The following FAM227B variants were observed in gnomAD, a reference collection of about 807,000 sequenced individuals.
The protein encoded by FAM227B is family with sequence similarity 227 member B.
In FAM227B, 88 loss-of-function variants were observed where a neutral mutation model predicts 73.8. That is an observed-to-expected ratio of 1.19 (90% CI 1.00 to 1.42). FAM227B has a LOEUF of 1.42. Ranked by LOEUF, FAM227B falls within the 40% of genes most tolerant of loss-of-function variation. FAM227B has a pLI of 0.00. For missense variants in FAM227B, 632 were observed against 590.9 expected (o/e 1.07, Z -0.72); for synonymous variants, 210 against 190.5 (o/e 1.10, Z -0.84).
At chr15:49,458,390 G>A (rs538496281) in intron 11 of FAM227B, among the ~76,000 whole-genome samples, 39 of 152,072 alleles carry the variant, frequency 2.6e-4, no homozygotes, top group East Asian at 1.2e-3. Context: ...AAACATGCAC[G>A]TCCAGCATAG....
At chr15:49,514,556 C>G (rs2059254577) in intron 10 of FAM227B, among the ~76,000 whole-genome samples, 1 of 151,992 alleles carries the variant, frequency 6.6e-6, no homozygotes, top group African/African-American at 2.4e-5. Context: ...ATACGACTTC[C>G]TCTCTTCCTA....
At chr15:49,413,738 A>C (rs2049025447) in intron 11 of FAM227B, among the ~76,000 whole-genome samples, 1 of 151,900 alleles carries the variant, frequency 6.6e-6, no homozygotes, top group African/African-American at 2.4e-5. Flanking sequence ...CCTTATGTAC[A>C]TTGGTCTCGT....
intron 10 of FAM227B, among the ~76,000 whole-genome samples, chr15:49,520,177 C>T (rs572814937): frequency 1.3e-5 from 2 of 152,270 alleles, no homozygotes; most frequent in South Asian, 4.2e-4. Flanking sequence ...TTCCTCATCT[C>T]CGTCTGACAC....
intron 13 of FAM227B, among the ~76,000 whole-genome samples, chr15:49,353,190 T>C (rs1027083207): frequency 6.6e-6 from 1 of 152,202 alleles, no homozygotes; most frequent in Admixed American, 6.5e-5. Flanking sequence ...TTGAAATTTA[T>C]TTAGTCCAAT....
At chr15:49,566,570 C>T (rs2074676323) in intron 9 of FAM227B, among the ~76,000 whole-genome samples, 1 of 152,118 alleles carries the variant, frequency 6.6e-6, no homozygotes, top group Non-Finnish European at 1.5e-5. Context: ...AATATTAATA[C>T]ATTTATCTTC....
chr15:49,329,069 C>T (rs2038082860), intron 15 of FAM227B: 1 of 996,108 alleles, frequency 1.0e-6, no homozygotes, highest in African/African-American at 1.7e-5. Context: ...AGAGGCACTT[C>T]CAAGAAATTC....
At chr15:49,499,074 G>A (rs1037551245) in intron 11 of FAM227B, among the ~76,000 whole-genome samples, 68 of 147,870 alleles carry the variant, frequency 4.6e-4, no homozygotes, top group African/African-American at 1.7e-3. Context: ...GCTGAGGCAG[G>A]AGAATGGCGT....
At chr15:49,528,713 A>G (rs2060389905) in intron 10 of FAM227B, among the ~76,000 whole-genome samples, 1 of 151,974 alleles carries the variant, frequency 6.6e-6, no homozygotes, top group South Asian at 2.1e-4. Context: ...AGCAACCAAC[A>G]AACATAAGAA....
intron 11 of FAM227B, among the ~76,000 whole-genome samples, chr15:49,498,421 C>T (rs1223098166): frequency 6.6e-6 from 1 of 152,162 alleles, no homozygotes; most frequent in African/African-American, 2.4e-5. Context: ...TAAGTTAACA[C>T]ACTTTATCAA....
intron 9 of FAM227B, among the ~76,000 whole-genome samples, chr15:49,554,967 G>GTAT (rs2073489187): frequency 6.6e-6 from 1 of 152,002 alleles, no homozygotes; most frequent in South Asian, 2.1e-4. Context: ...TTTGAGCCTG[G>GTAT]GGGTATCACT....
In FAM227B at chr15:49,504,068, C is replaced by T. The variant is rs1420731903; in HGVS notation, c.1012+4143G>A. Among the ~76,000 whole-genome samples, 3 of 152,036 alleles carry T rather than the reference C, an allele frequency of 2.0e-5. No homozygotes were observed. In the East Asian group the frequency reaches 5.8e-4, roughly 29 times the overall value. Reference sequence around the variant, plus strand: ...TAGACTGGATTAAGAAAATGTGGCACATATACACCATGGAATACTATGCAG... The same window carrying T: ...TAGACTGGATTAAGAAAATGTGGCATATATACACCATGGAATACTATGCAG... On this transcript the variant is annotated intron_variant, in intron 11 of 15. Coordinates refer to ENST00000299338, the MANE Select transcript of FAM227B (RefSeq NM_152647.3).
chr15:49,382,106 ATTGT>A (rs1185894680), intron 11 of FAM227B, among the ~76,000 whole-genome samples: 4 of 152,092 alleles, frequency 2.6e-5, no homozygotes, highest in Admixed American at 6.6e-5. Context: ...TCTATATATG[ATTGT>A]TTGGTGGGGA....
intron 3 of FAM227B, among the ~76,000 whole-genome samples, chr15:49,603,224 T>G (rs1358701500): frequency 6.6e-6 from 1 of 152,190 alleles, no homozygotes; most frequent in Admixed American, 6.5e-5. Context: ...ATCTGTAAAT[T>G]GCTTTGGGTA....
chr15:49,481,879 T>C (rs1276531144), intron 11 of FAM227B, among the ~76,000 whole-genome samples: 1 of 152,140 alleles, frequency 6.6e-6, no homozygotes, highest in African/African-American at 2.4e-5. Context: ...GGCTTCTATA[T>C]GCAACATATA....
At chr15:49,483,291 A>C in intron 11 of FAM227B, 2 of 1,086,556 alleles carry the variant, frequency 1.8e-6, no homozygotes, top group Non-Finnish European at 2.8e-6. Context: ...AATTTTTAAA[A>C]CTCATTTTTG....
chr15:49,539,030 T>G (rs1385029555), intron 10 of FAM227B, among the ~76,000 whole-genome samples: 1 of 152,192 alleles, frequency 6.6e-6, no homozygotes, highest in African/African-American at 2.4e-5. Flanking sequence ...CTTGCATTAA[T>G]GTCTGCACAT....
intron 10 of FAM227B, among the ~76,000 whole-genome samples, chr15:49,516,165 C>G (rs1034462957): frequency 1.1e-4 from 17 of 152,042 alleles, no homozygotes; most frequent in African/African-American, 4.1e-4. Context: ...TTATTTTTTA[C>G]ATAGAGTAGG....
intron 11 of FAM227B, among the ~76,000 whole-genome samples, chr15:49,380,139 C>T (rs1045601450): frequency 6.6e-6 from 1 of 152,056 alleles, no homozygotes; most frequent in East Asian, 1.9e-4. Flanking sequence ...AAGGCAGAGG[C>T]GCCTCACCCC....
intron 11 of FAM227B, among the ~76,000 whole-genome samples, chr15:49,480,735 G>A (rs2055870694): frequency 6.6e-6 from 1 of 151,956 alleles, no homozygotes; most frequent in African/African-American, 2.4e-5. Context: ...CGCCTGACTC[G>A]GCCTCCCAAA....
Sources: gnomAD v4.1 joint callset for allele counts (sites outside exome capture counted in the v4.1 genomes callset) on GRCh38, gnomAD v4.1.1 for gene constraint, MANE v1.5 for transcripts, NCBI Gene and HGNC (gene_info 2026-07-23, HGNC 2026-07-21) for gene names.